SORCS1: variants seen among roughly 807,000 people sequenced by gnomAD.
SORCS1 encodes sortilin related VPS10 domain containing receptor 1.
In SORCS1, 60 loss-of-function variants were observed where a neutral mutation model predicts 146.1. That is an observed-to-expected ratio of 0.41 (90% CI 0.33 to 0.51). SORCS1 has a LOEUF of 0.51. SORCS1 is among the 20% of genes least tolerant of loss of function. The pLI is 0.21. For synonymous variants in SORCS1, 637 were observed against 584.0 expected, an observed-to-expected ratio of 1.09 and a Z score of -1.31; for missense variants, 1,352 against 1,487.6, an observed-to-expected ratio of 0.91 and a Z score of 1.50.
At chr10:106,762,925 G>A (rs1859249407) in intron 4 of SORCS1, among the ~76,000 whole-genome samples, 1 of 152,028 alleles carries the variant, frequency 6.6e-6, no homozygotes, top group Non-Finnish European at 1.5e-5. Flanking sequence ...TTTCAACACA[G>A]AGGACTGTAC....
chr10:107,073,233 C>G (rs916944354), intron 1 of SORCS1, among the ~76,000 whole-genome samples: 1 of 152,168 alleles, frequency 6.6e-6, no homozygotes, highest in Admixed American at 6.5e-5. Flanking sequence ...AGAGATGCAA[C>G]TAATTTTCTA....
chr10:106,942,600 A>C (rs1201625842), intron 2 of SORCS1, among the ~76,000 whole-genome samples: 2 of 152,114 alleles, frequency 1.3e-5, no homozygotes, highest in East Asian at 1.9e-4. Context: ...CTCAACATAC[A>C]ACCAAATGGC....
chr10:106,596,320 G>A (rs1181987537), intron 24 of SORCS1, among the ~76,000 whole-genome samples: 2 of 152,086 alleles, frequency 1.3e-5, no homozygotes, highest in African/African-American at 4.8e-5. Flanking sequence ...ACTTTGCACT[G>A]GTGTTTGTAC....
rs1000353244 is a variant in SORCS1, at chr10:106,574,807, G to C, written c.*2613C>G. 2.0e-5 allele frequency: 3 copies of C among 152,434 alleles called. No individual in the cohort carries two copies. Among genetic ancestry groups the C allele is most frequent in the Admixed American group, 6.6e-5 (1 of 15,264 alleles). 9.4% of individuals were successfully genotyped at this position (152,434 alleles called of 1,614,324 possible). On this transcript the variant is annotated 3_prime_UTR_variant, in exon 26 of 26. Coordinates refer to ENST00000263054, the MANE Select transcript of SORCS1 (RefSeq NM_052918.5). The stretch of plus-strand genomic sequence containing the variant: ...CTCACTAATCTCCTACAGATGGGAG[G>C]GAGCTTTGAGGAGAGGCACATGAGG...
chr10:106,997,016 T>C (rs151145867), intron 1 of SORCS1, among the ~76,000 whole-genome samples: 1 of 151,434 alleles, frequency 6.6e-6, no homozygotes, highest in East Asian at 1.9e-4. Flanking sequence ...GAGGACTGCA[T>C]AACATTCTCT....
At chr10:107,007,794 C>T (rs551346314) in intron 1 of SORCS1, among the ~76,000 whole-genome samples, 2 of 152,176 alleles carry the variant, frequency 1.3e-5, no homozygotes, top group Admixed American at 1.3e-4. Flanking sequence ...GGCCACATCC[C>T]ATTGAATACC....
chr10:106,596,009 C>A (rs1016869313), intron 24 of SORCS1, among the ~76,000 whole-genome samples: 1 of 152,178 alleles, frequency 6.6e-6, no homozygotes. Flanking sequence ...CTGAATTAAT[C>A]TTCACACAAT....
At chr10:107,159,823 A>C (rs1356503319) in intron 1 of SORCS1, among the ~76,000 whole-genome samples, 2 of 151,980 alleles carry the variant, frequency 1.3e-5, no homozygotes, top group Non-Finnish European at 2.9e-5. Flanking sequence ...TTACTTTTTA[A>C]AAGGTCAGCT....
At chr10:107,168,803 T>C (rs994810915), upstream of SORCS1, among the ~76,000 whole-genome samples, 5 of 152,080 alleles carry the variant, frequency 3.3e-5, no homozygotes, top group Admixed American at 2.6e-4. Context: ...GTAGGCATTC[T>C]TATTCCCAGT....
intron 1 of SORCS1, among the ~76,000 whole-genome samples, chr10:107,112,087 T>C (rs1965735532): frequency 6.6e-6 from 1 of 152,104 alleles, no homozygotes; most frequent in South Asian, 2.1e-4. Context: ...AAGTATGTAG[T>C]CAAATTCGGA....
At chr10:106,866,446 A>C (rs1485762855) in intron 2 of SORCS1, among the ~76,000 whole-genome samples, 1 of 152,194 alleles carries the variant, frequency 6.6e-6, no homozygotes, top group Non-Finnish European at 1.5e-5. Context: ...GGAGACATGC[A>C]AAAGACCTTT....
chr10:106,632,870 G>A (rs1019739679), intron 18 of SORCS1, among the ~76,000 whole-genome samples: 3 of 152,170 alleles, frequency 2.0e-5, no homozygotes, highest in African/African-American at 7.2e-5. Flanking sequence ...TCTGAGCTCA[G>A]AAGACCTGAA....
At chr10:106,757,665 A>T (rs1360370854) in intron 5 of SORCS1, among the ~76,000 whole-genome samples, 1 of 152,232 alleles carries the variant, frequency 6.6e-6, no homozygotes, top group African/African-American at 2.4e-5. Flanking sequence ...GAGCCATTTG[A>T]CAAGCACAGT....
Position 106,680,376 on chromosome 10 carries a change from G to C in SORCS1, c.1561-642C>G, listed in dbSNP as rs11813805. Reference sequence around the variant, plus strand: ...GGGAGGATTTTGAAAAAGTAGGTTGGCATCTCTTAGTCATTCTCCATTTGA... The same window carrying C: ...GGGAGGATTTTGAAAAAGTAGGTTGCCATCTCTTAGTCATTCTCCATTTGA... On this transcript the variant is annotated intron_variant, in intron 10 of 25. Transcript: ENST00000263054. Among the ~76,000 whole-genome samples, 516 of 152,248 alleles carry C rather than the reference G, an allele frequency of 3.4e-3. 2 individuals carry two copies. Among genetic ancestry groups the C allele is most frequent in the African/African-American group, 0.012 (504 of 41,524 alleles).
At chr10:107,031,230 A>G (rs1473360761) in intron 1 of SORCS1, among the ~76,000 whole-genome samples, 1 of 152,230 alleles carries the variant, frequency 6.6e-6, no homozygotes, top group Admixed American at 6.5e-5. Flanking sequence ...TACATGTGTC[A>G]ATAGTTTCTT....
chr10:106,976,199 G>A (rs1195500444), intron 1 of SORCS1, among the ~76,000 whole-genome samples: 1 of 146,688 alleles, frequency 6.8e-6, no homozygotes, highest in East Asian at 2.0e-4. Flanking sequence ...AGGGAAATCT[G>A]TTGCTTCATC....
chr10:106,679,392 T>C (rs1852270739), intron 11 of SORCS1, 60 bp from the exon 12 acceptor site: 1 of 1,357,488 alleles, frequency 7.4e-7, no homozygotes, highest in Non-Finnish European at 1.0e-6. Context: ...CAATGGACTA[T>C]ATTGGCAGGT....
Position 107,163,970 on chromosome 10 carries a change from C to T in SORCS1, c.557G>A (p.Ser186Asn), listed in dbSNP as rs1565125364. 6.2e-7 allele frequency: 1 copy of T among 1,611,530 alleles called. No individual in the cohort carries two copies. Among genetic ancestry groups the T allele is most frequent in the Non-Finnish European group, 8.5e-7 (1 of 1,178,236 alleles). ...TACCCTCAGTCCCATTCTACTCACGCTGCTGTTGTGGCCAGACCAGTGGAC... is the reference window on the plus strand; with the variant it reads ...TACCCTCAGTCCCATTCTACTCACGTTGCTGTTGTGGCCAGACCAGTGGAC... Reference protein sequence around the residue: ...AMVHWSGHNSSVILILTKLYD... With the variant: ...AMVHWSGHNSNVILILTKLYD... The change falls in exon 1 of 26, where the codon AGC (serine) becomes AAC (asparagine). Residue 186 changes from serine (S) to asparagine (N), a missense_variant and splice_region_variant. Ser to Asn is a conservative substitution (Grantham distance 46). This residue lies in a region of SORCS1 where 490 missense variants were observed against 489.1 expected (regional missense o/e 1.00). Transcript: ENST00000263054.
intron 1 of SORCS1, among the ~76,000 whole-genome samples, chr10:107,109,308 C>A (rs1056428157): frequency 9.2e-5 from 14 of 152,230 alleles, no homozygotes; most frequent in African/African-American, 3.4e-4. Flanking sequence ...AGGCTTCTAC[C>A]TGGGCACCTA....
Sources: gnomAD v4.1 joint callset for allele counts (sites outside exome capture counted in the v4.1 genomes callset) on GRCh38, gnomAD v4.1.1 for gene constraint, gnomAD v4.1.1 regional missense constraint, MANE v1.5 for transcripts, NCBI Gene and HGNC (gene_info 2026-07-23, HGNC 2026-07-21) for gene names.